Variants in STARD13 observed in about 807,000 individuals in gnomAD.
STARD13 encodes stAR-related lipid transfer protein 13.
In STARD13, 62 loss-of-function variants were observed where a neutral mutation model predicts 106.4. The observed-to-expected ratio is 0.58, with a 90% CI of 0.48 to 0.72. STARD13 has a LOEUF of 0.72. Ranked by LOEUF, STARD13 falls within the 30% of genes least tolerant of loss-of-function variation. The probability of loss-of-function intolerance (pLI) is 0.00; values close to 1 mark genes in which losing one functional copy is unlikely to be tolerated. For missense variants in STARD13, 1,387 were observed against 1,424.0 expected, an observed-to-expected ratio of 0.97 and a Z score of 0.42; for synonymous variants, 565 against 553.0, an observed-to-expected ratio of 1.02 and a Z score of -0.31.
the STARD13 span, among the ~76,000 whole-genome samples, chr13:33,567,665 G>T: frequency 6.8e-6 from 1 of 147,834 alleles, no homozygotes; most frequent in Non-Finnish European, 1.5e-5. Context: ...AAGTGAAAAT[G>T]GTTCAAGTGC....
At chr13:33,344,980 G>A (rs931704134), downstream of STARD13, among the ~76,000 whole-genome samples, 1 of 152,190 alleles carries the variant, frequency 6.6e-6, no homozygotes, top group African/African-American at 2.4e-5. Flanking sequence ...AAAAGCTAAC[G>A]GGTATGCTTC....
downstream of STARD13, among the ~76,000 whole-genome samples, chr13:33,347,538 C>G (rs929491353): frequency 6.6e-6 from 1 of 152,192 alleles, no homozygotes; most frequent in Admixed American, 6.5e-5. Flanking sequence ...TGAGCCACCA[C>G]GCCTGACTGC....
At chr13:33,554,197 AT>A in the STARD13 span, among the ~76,000 whole-genome samples, 1 of 152,138 alleles carries the variant, frequency 6.6e-6, no homozygotes, top group African/African-American at 2.4e-5. Context: ...AGGAGATGTA[AT>A]TTTTTTAGCC....
intron 1 of STARD13, among the ~76,000 whole-genome samples, chr13:33,295,911 T>C (rs892713342): frequency 5.9e-5 from 9 of 151,856 alleles, no homozygotes; most frequent in East Asian, 5.8e-4. Context: ...GACAGATTAG[T>C]ATTCAAATCA....
the STARD13 span, among the ~76,000 whole-genome samples, chr13:33,653,778 T>A: frequency 1.3e-5 from 2 of 152,182 alleles, no homozygotes; most frequent in Admixed American, 1.3e-4. Flanking sequence ...AAATCACTTA[T>A]CTGATAAGGG....
chr13:33,439,439 T>C, the STARD13 span, among the ~76,000 whole-genome samples: 10 of 152,384 alleles, frequency 6.6e-5, no homozygotes, highest in East Asian at 1.9e-3. Context: ...AACTTCTTTC[T>C]GTGTAAAATC....
In STARD13 at chr13:33,118,373, A is replaced by G. The variant is rs1365137257; in HGVS notation, c.2083-110T>C. ...GCTGGAATTGCCTCCCAATTAGTAC[A>G]TGCTGAACTACTAGTATAGCTACTT... is the stretch of plus-strand genomic sequence containing the variant. On this transcript the variant is annotated intron_variant, in intron 7 of 13. Transcript: ENST00000336934. 2.3e-5 allele frequency: 19 copies of G among 835,770 alleles called. No homozygotes were observed. In the East Asian group the frequency reaches 3.1e-4, roughly 14 times the overall value. 51.8% of individuals were successfully genotyped at this position (835,770 alleles called of 1,614,324 possible).
intron 1 of STARD13, among the ~76,000 whole-genome samples, chr13:33,227,605 T>G (rs1484875364): frequency 1.3e-5 from 2 of 152,152 alleles, no homozygotes; most frequent in South Asian, 2.1e-4. Flanking sequence ...ATTTTAAATT[T>G]GAGATAAGGT....
the STARD13 span, among the ~76,000 whole-genome samples, chr13:33,570,842 AG>A: frequency 6.6e-6 from 1 of 152,322 alleles, no homozygotes; most frequent in African/African-American, 2.4e-5. Context: ...TATTTAGTCA[AG>A]GTTAGAAACA....
the STARD13 span, among the ~76,000 whole-genome samples, chr13:33,403,767 AC>A: frequency 6.6e-6 from 1 of 152,190 alleles, no homozygotes; most frequent in Non-Finnish European, 1.5e-5. Context: ...GTTATAGAAA[AC>A]AGAGTATTAT....
At position 33,129,417 on chromosome 13, in the gene STARD13, A is replaced by G. The variant is rs758165185; in HGVS notation, c.1260T>C (p.Ser420=). Residue 420 remains serine (S), a synonymous_variant, in exon 5 of 14, where the codon AGT becomes AGC. Coordinates refer to ENST00000336934, the MANE Select transcript of STARD13 (RefSeq NM_178006.4). The stretch of plus-strand genomic sequence containing the variant: ...CGGTCCTCCAATTAACCCCATTGCT[A>G]CTATCTGTGGGAGAGAGGCTTTCAA... ...LSIESLSPTD[S]SNGVNWRTGS... 2 of 1,614,080 alleles carry G rather than the reference A, an allele frequency of 1.2e-6. No individual in the cohort carries two copies. Among genetic ancestry groups the G allele is most frequent in the Non-Finnish European group, 1.7e-6 (2 of 1,179,998 alleles).
the STARD13 span, among the ~76,000 whole-genome samples, chr13:33,365,702 C>T: frequency 6.6e-6 from 1 of 152,212 alleles, no homozygotes; most frequent in Non-Finnish European, 1.5e-5. Flanking sequence ...AAATCATGCT[C>T]ACTGTAACAC....
At chr13:33,635,097 C>T in the STARD13 span, among the ~76,000 whole-genome samples, 4 of 152,188 alleles carry the variant, frequency 2.6e-5, no homozygotes, top group Admixed American at 6.5e-5. Context: ...GGATCGCTTA[C>T]GAAGTAAAGC....
At chr13:33,505,894 G>A in the STARD13 span, among the ~76,000 whole-genome samples, 5 of 152,106 alleles carry the variant, frequency 3.3e-5, no homozygotes, top group Non-Finnish European at 5.9e-5. Context: ...CTTCCTGGGG[G>A]TTTGCAAGGT....
chr13:33,635,726 T>C, the STARD13 span, among the ~76,000 whole-genome samples: 96 of 152,012 alleles, frequency 6.3e-4, no homozygotes, highest in African/African-American at 2.3e-3. Flanking sequence ...TTCACACCTG[T>C]AATCCCAGCA....
At chr13:33,611,964 C>G in the STARD13 span, among the ~76,000 whole-genome samples, 1 of 152,174 alleles carries the variant, frequency 6.6e-6, no homozygotes, top group Non-Finnish European at 1.5e-5. Flanking sequence ...CTCCTTGTGA[C>G]AAAACCACAA....
intron 1 of STARD13, among the ~76,000 whole-genome samples, chr13:33,258,498 G>C (rs533900284): frequency 6.6e-6 from 1 of 152,140 alleles, no homozygotes; most frequent in African/African-American, 2.4e-5. Flanking sequence ...AAAAAGAGTG[G>C]CCTTTTCAGT....
the STARD13 span, among the ~76,000 whole-genome samples, chr13:33,399,479 G>A: frequency 1.3e-5 from 2 of 151,878 alleles, no homozygotes; most frequent in Admixed American, 1.3e-4. Context: ...TGGATCACGA[G>A]GTCAGGAGAT....
chr13:33,414,824 A>T, the STARD13 span, among the ~76,000 whole-genome samples: 1 of 152,084 alleles, frequency 6.6e-6, no homozygotes, highest in African/African-American at 2.4e-5. Context: ...AATTATTAGG[A>T]TCAATATTAT....
Sources: gnomAD v4.1 joint callset for allele counts (sites outside exome capture counted in the v4.1 genomes callset) on GRCh38, gnomAD v4.1.1 for gene constraint, MANE v1.5 for transcripts, NCBI Gene and HGNC (gene_info 2026-07-23, HGNC 2026-07-21) for gene names.